ITPR2: variants seen among roughly 807,000 people sequenced by gnomAD.
ITPR2 encodes the protein inositol 1,4,5-trisphosphate-gated calcium channel ITPR2.
In ITPR2, 207 loss-of-function variants were observed where a neutral mutation model predicts 317.1. The ratio of observed to expected loss-of-function variants is 0.65; its 90% confidence interval spans 0.58 to 0.73. The LOEUF (loss-of-function observed/expected upper bound fraction) is 0.73, where lower values mean the gene tolerates loss of function less well. ITPR2 is among the 30% of genes least tolerant of loss of function. ITPR2 has a pLI of 0.00. For missense variants in ITPR2, 2,613 were observed against 3,284.0 expected, an observed-to-expected ratio of 0.80 and a Z score of 4.99; for synonymous variants, 1,156 against 1,149.1, an observed-to-expected ratio of 1.01 and a Z score of -0.12.
At chr12:26,715,161 G>T in intron 8 of ITPR2, 138 bp downstream of exon 8, 1 of 708,200 alleles carries the variant, frequency 1.4e-6, no homozygotes, top group Non-Finnish European at 2.2e-6. Flanking sequence ...GCAATGAATA[G>T]GCACAAGTTG....
intron 49 of ITPR2, among the ~76,000 whole-genome samples, chr12:26,423,074 T>C (rs571903054): frequency 1.3e-5 from 2 of 152,314 alleles, no homozygotes; most frequent in South Asian, 4.1e-4. Context: ...TAAATGGTAG[T>C]GTCTCTTACT....
intron 21 of ITPR2, among the ~76,000 whole-genome samples, chr12:26,636,394 A>G (rs1320515488): frequency 6.6e-6 from 1 of 152,244 alleles, no homozygotes; most frequent in African/African-American, 2.4e-5. Context: ...CCATGAGGAC[A>G]GGGAGTCTAC....
In ITPR2 at chr12:26,686,590, C is replaced by G. The variant is rs1054169785; in HGVS notation, c.1039G>C (p.Gly347Arg). Reference protein sequence around the residue: ...PPTSKKKRQAGEKIMYTLVSV... With the variant: ...PPTSKKKRQAREKIMYTLVSV... ...ACCAAAGTATACATGATCTTCTCCC[C>G]TGCCTGGCGTTTTTTCTTTGAAGTT... The change falls in exon 11 of 57, where the codon GGG becomes CGG. Residue 347 changes from glycine (G) to arginine (R), a missense_variant. Gly to Arg is a moderately radical substitution (Grantham distance 125, BLOSUM62 -2). Transcript: ENST00000381340. 1.3e-5 allele frequency: 21 copies of G among 1,611,266 alleles called. No individual in the cohort carries two copies. The highest frequency in any genetic ancestry group is 2.7e-5 in the African/African-American group (2 of 74,788).
chr12:26,386,801 C>G (rs1278805592), intron 55 of ITPR2, among the ~76,000 whole-genome samples: 1 of 152,106 alleles, frequency 6.6e-6, no homozygotes, highest in Non-Finnish European at 1.5e-5. Flanking sequence ...CCCTTTCGGG[C>G]CAATTTGTTT....
At chr12:26,471,709 C>A (rs1429093597) in intron 45 of ITPR2, among the ~76,000 whole-genome samples, 1 of 152,156 alleles carries the variant, frequency 6.6e-6, no homozygotes, top group Non-Finnish European at 1.5e-5. Context: ...ACTGTCTGCA[C>A]AAAAGATGAT....
chr12:26,475,313 A>G lies in ITPR2; in HGVS notation c.6325T>C (p.Tyr2109His), dbSNP rs770383044. 3 of 1,614,052 alleles carry G rather than the reference A, an allele frequency of 1.9e-6. No homozygotes were observed. Among genetic ancestry groups the G allele is most frequent in the Non-Finnish European group, 2.5e-6 (3 of 1,179,942 alleles). The stretch of plus-strand genomic sequence containing the variant: ...TGTGACACCTGATGGGCCAGAATAT[A>G]GATATTGTGTCCAACATCTTTTGGA... ...VSPKDVGHNI[Y>H]ILAHQLARHN... Residue 2109 changes from tyrosine to histidine, a missense_variant, in exon 45 of 57, where the codon TAT (tyrosine) becomes CAT (histidine). Coordinates refer to ENST00000381340, the MANE Select transcript of ITPR2 (RefSeq NM_002223.4).
intron 29 of ITPR2, 32 bp downstream of exon 29, chr12:26,599,955 C>G: frequency 6.5e-7 from 1 of 1,530,528 alleles, no homozygotes; most frequent in South Asian, 1.1e-5. Context: ...GCACACTTTA[C>G]TAGAAATACT....
Position 26,832,769 on chromosome 12 carries a change from T to G in ITPR2, c.13A>C (p.Met5Leu). 6.2e-7 allele frequency: 1 copy of G among 1,601,188 alleles called. No individual in the cohort carries two copies. The highest frequency in any genetic ancestry group is 2.3e-5 in the East Asian group (1 of 43,258). ...TCCCCTATGTAGAGGAAGCTGGACATTTTCTCAGTCATGCTGCTTCATGTT... is the reference window on the plus strand; with the variant it reads ...TCCCCTATGTAGAGGAAGCTGGACAGTTTCTCAGTCATGCTGCTTCATGTT... MTEK[M>L]SSFLYIGDIV... Residue 5 changes from methionine to leucine, a missense_variant, in exon 1 of 57, where the codon ATG becomes CTG. Met to Leu is a conservative substitution (Grantham distance 15). Around this residue, in one of 9 missense-constraint regions of ITPR2, gnomAD observed 515 missense variants for 789.4 expected, o/e 0.65. Coordinates refer to ENST00000381340, the MANE Select transcript of ITPR2 (RefSeq NM_002223.4).
intron 32 of ITPR2, among the ~76,000 whole-genome samples, chr12:26,591,414 T>C (rs1945700854): frequency 6.6e-6 from 1 of 152,206 alleles, no homozygotes; most frequent in Non-Finnish European, 1.5e-5. Flanking sequence ...AAGTGGCTTT[T>C]ATCCAAAAGA....
At chr12:26,513,120 T>A (rs1201617973) in intron 37 of ITPR2, among the ~76,000 whole-genome samples, 1 of 152,030 alleles carries the variant, frequency 6.6e-6, no homozygotes, top group Non-Finnish European at 1.5e-5. Flanking sequence ...GGATTACCGG[T>A]GTGAGCCACC....
chr12:26,451,365 T>TCTCA (rs368381589), intron 45 of ITPR2, among the ~76,000 whole-genome samples: 2 of 136,324 alleles, frequency 1.5e-5, no homozygotes, highest in African/African-American at 6.0e-5. Context: ...TTCTCTCATA[T>TCTCA]CACACACACA....
Position 26,686,592 on chromosome 12 carries a change from G to A in ITPR2, c.1037C>T (p.Ala346Val). The change falls in exon 11 of 57, where the codon GCA becomes GTA. Residue 346 changes from alanine to valine, a missense_variant. This residue lies in a region of ITPR2 where 515 missense variants were observed against 789.4 expected (regional missense o/e 0.65). Coordinates refer to ENST00000381340, the MANE Select transcript of ITPR2 (RefSeq NM_002223.4). The part of the protein sequence containing the change: ...VPPTSKKKRQ[A>V]GEKIMYTLVS... ...CAAAGTATACATGATCTTCTCCCCTGCCTGGCGTTTTTTCTTTGAAGTTGG... is the reference window on the plus strand; with the variant it reads ...CAAAGTATACATGATCTTCTCCCCTACCTGGCGTTTTTTCTTTGAAGTTGG... 1 of 1,610,930 alleles carries A rather than the reference G, an allele frequency of 6.2e-7. No individual in the cohort carries two copies. The highest frequency in any genetic ancestry group is 8.5e-7 in the Non-Finnish European group (1 of 1,178,294).
chr12:26,625,497 A>G (rs1192054283), intron 23 of ITPR2, among the ~76,000 whole-genome samples: 1 of 152,202 alleles, frequency 6.6e-6, no homozygotes, highest in Non-Finnish European at 1.5e-5. Flanking sequence ...AAAAAATTTA[A>G]GTCAATTAAC....
chr12:26,622,731 G>A (rs1222342138), intron 24 of ITPR2, among the ~76,000 whole-genome samples: 1 of 152,182 alleles, frequency 6.6e-6, no homozygotes, highest in Non-Finnish European at 1.5e-5. Flanking sequence ...ATTTATGGGA[G>A]GAGCTGTGCT....
At chr12:26,381,042 T>A (rs1939494133) in intron 55 of ITPR2, among the ~76,000 whole-genome samples, 1 of 152,132 alleles carries the variant, frequency 6.6e-6, no homozygotes, top group Non-Finnish European at 1.5e-5. Flanking sequence ...CCAGTGTGCA[T>A]CCCCACCCCT....
intron 49 of ITPR2, among the ~76,000 whole-genome samples, chr12:26,424,456 G>A (rs1182405697): frequency 3.3e-5 from 5 of 151,974 alleles, no homozygotes; most frequent in East Asian, 3.9e-4. Flanking sequence ...GTTAATAAAT[G>A]TACTAAAACT....
At chr12:26,596,798 T>C (rs962774434) in intron 31 of ITPR2, 85 bp downstream of exon 31, 7 of 1,077,838 alleles carry the variant, frequency 6.5e-6, no homozygotes, top group Non-Finnish European at 9.2e-6. Flanking sequence ...TTATAAATAT[T>C]AGTATGGGGG....
intron 54 of ITPR2, among the ~76,000 whole-genome samples, chr12:26,390,008 T>C (rs909665480): frequency 2.0e-5 from 3 of 152,348 alleles, no homozygotes; most frequent in Admixed American, 6.5e-5. Flanking sequence ...ATTTGGCACA[T>C]AGTTGGCACT....
intron 37 of ITPR2, among the ~76,000 whole-genome samples, chr12:26,516,296 GGAAA>G: frequency 2.3e-5 from 2 of 86,690 alleles, no homozygotes; most frequent in African/African-American, 8.8e-5. Context: ...GGAAAGGAAA[GGAAA>G]GGAAAGGAAA....
Sources: gnomAD v4.1 joint callset for allele counts (sites outside exome capture counted in the v4.1 genomes callset) on GRCh38, gnomAD v4.1.1 for gene constraint, gnomAD v4.1.1 regional missense constraint, MANE v1.5 for transcripts, NCBI Gene and HGNC (gene_info 2026-07-23, HGNC 2026-07-21) for gene names.